ACKR2: variants seen among roughly 807,000 people sequenced by gnomAD.
ACKR2 encodes the protein atypical chemokine receptor 2.
For missense variants in ACKR2, 457 were observed against 477.3 expected (o/e 0.96, Z 0.40); for synonymous variants, 207 against 192.2 (o/e 1.08, Z -0.64).
intron 1 of ACKR2, among the ~76,000 whole-genome samples, chr3:42,812,035 G>T (rs1024337670): frequency 6.6e-6 from 1 of 152,182 alleles, no homozygotes; most frequent in African/African-American, 2.4e-5. Flanking sequence ...CTCAGAGACC[G>T]GGGCCTGTGC....
chr3:42,864,203 G>C (rs2088410614), intron 2 of ACKR2, among the ~76,000 whole-genome samples: 1 of 152,156 alleles, frequency 6.6e-6, no homozygotes, highest in Non-Finnish European at 1.5e-5. Context: ...TAAATACTCT[G>C]AGAACACCTG....
At chr3:42,862,781 T>A (rs551997862) in intron 2 of ACKR2, among the ~76,000 whole-genome samples, 3 of 152,160 alleles carry the variant, frequency 2.0e-5, no homozygotes, top group African/African-American at 2.4e-5. Flanking sequence ...ATCTAATAAA[T>A]GGTGTTGGGA....
chr3:42,834,744 A>AT (rs530753857), intron 2 of ACKR2: 11 of 151,440 alleles, frequency 7.3e-5, no homozygotes, highest in African/African-American at 2.2e-4. Flanking sequence ...TGCCCAGCTA[A>AT]TTTTTTGTAT....
Position 42,830,439 on chromosome 3 carries a change from C to T in ACKR2, c.-38+10728C>T, listed in dbSNP as rs114233384. 9.4e-3 allele frequency among the ~76,000 whole-genome samples: 1,428 copies of T among 152,244 alleles called. 11 individuals carry two copies. The highest frequency in any genetic ancestry group is 0.015 in the Non-Finnish European group (1,014 of 68,008). On this transcript the variant is annotated intron_variant, in intron 2 of 2. Transcript: ENST00000422265. Reference sequence around the variant, plus strand: ...CCTTTGATTGATAAACTCTTCTTTCCTCTTCCTTCATTCTGTAATGCAACC... The same window carrying T: ...CCTTTGATTGATAAACTCTTCTTTCTTCTTCCTTCATTCTGTAATGCAACC...
At chr3:42,839,510 C>G (rs554679403) in intron 2 of ACKR2, among the ~76,000 whole-genome samples, 10 of 152,266 alleles carry the variant, frequency 6.6e-5, no homozygotes, top group African/African-American at 2.4e-4. Flanking sequence ...AATGAATGAA[C>G]TGCAACTGCA....
intron 2 of ACKR2, among the ~76,000 whole-genome samples, chr3:42,824,078 T>G (rs1381722008): frequency 6.6e-6 from 1 of 152,208 alleles, no homozygotes; most frequent in Non-Finnish European, 1.5e-5. Flanking sequence ...TAAATGTGTT[T>G]AAACTTGGGT....
At chr3:42,863,967 C>A (rs990116775) in intron 2 of ACKR2, among the ~76,000 whole-genome samples, 3 of 152,062 alleles carry the variant, frequency 2.0e-5, no homozygotes, top group East Asian at 1.9e-4. Context: ...ATGTAACAAA[C>A]CTGCACGTTT....
chr3:42,845,517 A>G (rs1479339682), intron 2 of ACKR2, among the ~76,000 whole-genome samples: 2 of 152,150 alleles, frequency 1.3e-5, no homozygotes, highest in Non-Finnish European at 2.9e-5. Context: ...GCATGGGACC[A>G]TATCTGGCTA....
chr3:42,855,388 G>A (rs1228167742), intron 2 of ACKR2, among the ~76,000 whole-genome samples: 2 of 152,148 alleles, frequency 1.3e-5, no homozygotes, highest in African/African-American at 4.8e-5. Context: ...TGCATATGAA[G>A]GTGTCTGGCC....
chr3:42,811,727 A>ATC (rs901800913), intron 1 of ACKR2, among the ~76,000 whole-genome samples: 9 of 152,112 alleles, frequency 5.9e-5, no homozygotes, highest in African/African-American at 2.2e-4. Flanking sequence ...GTAAAACCCG[A>ATC]TCGTAAATTC....
intron 1 of ACKR2, among the ~76,000 whole-genome samples, chr3:42,811,670 G>C (rs1270084869): frequency 1.3e-5 from 2 of 152,090 alleles, no homozygotes; most frequent in South Asian, 2.1e-4. Flanking sequence ...TGAGATAAGA[G>C]GAAGGCCTCC....
intron 2 of ACKR2, among the ~76,000 whole-genome samples, chr3:42,859,962 G>A (rs2088362629): frequency 6.6e-6 from 1 of 151,758 alleles, no homozygotes; most frequent in Non-Finnish European, 1.5e-5. Context: ...GCATCATAAT[G>A]ACAGAATCAA....
In ACKR2 at chr3:42,864,883, C is replaced by T; in HGVS notation, c.381C>T (p.Asn127=). 1.2e-6 allele frequency: 2 copies of T among 1,614,164 alleles called. No homozygotes were observed. The highest frequency in any genetic ancestry group is 1.1e-5 in the South Asian group (1 of 91,086). The stretch of plus-strand genomic sequence containing the variant: ...TGGTGAGCACTCTTTATACTATTAA[C>T]TTTTACAGTGGCATCTTTTTCATTA... ...CKMVSTLYTI[N]FYSGIFFISC... The change falls in exon 3 of 3, where the codon AAC becomes AAT. Residue 127 remains asparagine (N), a synonymous_variant. Coordinates refer to ENST00000422265, the MANE Select transcript of ACKR2 (RefSeq NM_001296.5).
chr3:42,828,238 T>C (rs2125607533), intron 2 of ACKR2, among the ~76,000 whole-genome samples: 1 of 152,066 alleles, frequency 6.6e-6, no homozygotes, highest in South Asian at 2.1e-4. Context: ...GCCTCCCAAG[T>C]AGCTGGGATT....
intron 2 of ACKR2, among the ~76,000 whole-genome samples, chr3:42,847,674 C>T (rs1701112105): frequency 6.8e-6 from 1 of 146,854 alleles, no homozygotes; most frequent in Non-Finnish European, 1.5e-5. Context: ...ACCAGGCTGT[C>T]AAGAGCTGCC....
At position 42,828,627 on chromosome 3, in the gene ACKR2, T is replaced by A. The variant is rs181984452; in HGVS notation, c.-38+8916T>A. On this transcript the variant is annotated intron_variant, in intron 2 of 2. Coordinates refer to ENST00000422265, the MANE Select transcript of ACKR2 (RefSeq NM_001296.5). ...TTCTGGGAAGGTCTGAGGATGAGAT[T>A]TGGAGATATGGAGATTTGGAGCGGC... Among the ~76,000 whole-genome samples, 77 of 152,260 alleles carry A rather than the reference T, an allele frequency of 5.1e-4. No individual in the cohort carries two copies. The East Asian group carries it at 0.013, about 26-fold the overall frequency.
intron 1 of ACKR2, among the ~76,000 whole-genome samples, chr3:42,819,123 A>G (rs900858318): frequency 6.6e-6 from 1 of 152,164 alleles, no homozygotes; most frequent in Admixed American, 6.6e-5. Context: ...ATCACCTCTT[A>G]AAAGTCTGTA....
chr3:42,836,222 G>A (rs897769132), intron 2 of ACKR2, among the ~76,000 whole-genome samples: 2 of 152,106 alleles, frequency 1.3e-5, no homozygotes, highest in Admixed American at 6.6e-5. Context: ...TGAGATAAAA[G>A]CAAAACTGTA....
Position 42,864,801 on chromosome 3 carries a change from C to A in ACKR2, c.299C>A (p.Pro100His), listed in dbSNP as rs1220591873. ...AACCTTCTGTTTCTGGTGACACTGC[C>A]CTTCTGGGGCATCTCCGTGGCCTGG... ...ISNLLFLVTL[P>H]FWGISVAWHW... Residue 100 changes from proline to histidine, a missense_variant, in exon 3 of 3, where the codon CCC becomes CAC. By Grantham distance (77) the Pro-to-His change is moderately conservative (BLOSUM62 -2). Transcript: ENST00000422265. The A allele has an allele frequency of 8.7e-6, 14 of 1,614,096 alleles. No individual in the cohort carries two copies. Among genetic ancestry groups the A allele is most frequent in the Admixed American group, 3.3e-5 (2 of 60,014 alleles).
Sources: gnomAD v4.1 joint callset for allele counts (sites outside exome capture counted in the v4.1 genomes callset) on GRCh38, gnomAD v4.1.1 for gene constraint, MANE v1.5 for transcripts, NCBI Gene and HGNC (gene_info 2026-07-23, HGNC 2026-07-21) for gene names.